Variants in PDE1A observed in about 807,000 individuals in gnomAD.
PDE1A encodes dual specificity calcium/calmodulin-dependent 3',5'-cyclic nucleotide phosphodiesterase 1A.
In PDE1A, 35 loss-of-function variants were observed where a neutral mutation model predicts 61.7. The observed-to-expected ratio is 0.57, with a 90% CI of 0.43 to 0.75. The LOEUF (loss-of-function observed/expected upper bound fraction) is 0.75, where lower values mean the gene tolerates loss of function less well. Among genes scored for constraint, PDE1A ranks in the 30% least tolerant of loss-of-function variants. The pLI is 0.00. For synonymous variants in PDE1A, 232 were observed against 213.2 expected (o/e 1.09, Z -0.77); for missense variants, 597 against 630.6 (o/e 0.95, Z 0.57).
intron 1 of PDE1A, among the ~76,000 whole-genome samples, chr2:182,425,351 G>A (rs1016165338): frequency 6.6e-6 from 1 of 152,112 alleles, no homozygotes; most frequent in Admixed American, 6.6e-5. Flanking sequence ...AACTTTTTAG[G>A]AAATATGGTA....
chr2:182,457,066 G>A (rs192955026), intron 2 of PDE1A, among the ~76,000 whole-genome samples: 39 of 152,122 alleles, frequency 2.6e-4, no homozygotes, highest in Non-Finnish European at 2.2e-4. Context: ...CAGACAGTCT[G>A]GACTGATTAA....
intron 13 of PDE1A, among the ~76,000 whole-genome samples, chr2:182,185,598 T>C (rs1010278007): frequency 1.3e-5 from 2 of 152,226 alleles, no homozygotes; most frequent in Non-Finnish European, 2.9e-5. Flanking sequence ...CAGGAGTTTA[T>C]ATGGTACCAC....
At chr2:182,490,828 T>C (rs189693799) in intron 2 of PDE1A, among the ~76,000 whole-genome samples, 1 of 152,278 alleles carries the variant, frequency 6.6e-6, no homozygotes. Flanking sequence ...AAGTAGGGGA[T>C]GGTCTTAGAC....
chr2:182,328,000 C>T (rs769738397), intron 1 of PDE1A, among the ~76,000 whole-genome samples: 27 of 152,182 alleles, frequency 1.8e-4, no homozygotes, highest in Admixed American at 3.9e-4. Flanking sequence ...GGCTCTTCTA[C>T]GTTTATAGGA....
intron 1 of PDE1A, among the ~76,000 whole-genome samples, chr2:182,347,815 T>G (rs757369607): frequency 6.6e-6 from 1 of 152,136 alleles, no homozygotes; most frequent in Non-Finnish European, 1.5e-5. Flanking sequence ...TTTTGAGTAT[T>G]CATTTTAACA....
intron 2 of PDE1A, among the ~76,000 whole-genome samples, chr2:182,451,491 A>G (rs1685516828): frequency 6.6e-6 from 1 of 152,106 alleles, no homozygotes. Flanking sequence ...TATTTCTGTT[A>G]TTAACTGGCA....
intron 1 of PDE1A, among the ~76,000 whole-genome samples, chr2:182,398,054 T>C (rs1016345468): frequency 5.3e-5 from 8 of 151,572 alleles, no homozygotes; most frequent in Non-Finnish European, 1.0e-4. Context: ...ATGGTTTAGA[T>C]AGATGAGGCA....
chr2:182,378,338 G>A (rs1700538544), intron 1 of PDE1A, among the ~76,000 whole-genome samples: 1 of 152,002 alleles, frequency 6.6e-6, no homozygotes, highest in Admixed American at 6.6e-5. Flanking sequence ...GGGTGAAGGG[G>A]GCGTATCAAT....
intron 2 of PDE1A, among the ~76,000 whole-genome samples, chr2:182,502,645 C>A (rs1440666447): frequency 2.0e-5 from 3 of 152,162 alleles, no homozygotes; most frequent in Admixed American, 2.0e-4. Context: ...ATTTCCACAG[C>A]CATCCTCCCC....
intron 2 of PDE1A, among the ~76,000 whole-genome samples, chr2:182,517,758 C>T (rs1365375492): frequency 3.3e-5 from 5 of 152,168 alleles, no homozygotes; most frequent in Admixed American, 3.3e-4. Context: ...GGGACAACTC[C>T]TCCTGATAAG....
chr2:182,687,849 T>G, the PDE1A span, among the ~76,000 whole-genome samples: 1 of 152,168 alleles, frequency 6.6e-6, no homozygotes, highest in Non-Finnish European at 1.5e-5. Flanking sequence ...CTGATGGAGC[T>G]GAAAACCATG....
At chr2:182,227,455 C>T (rs1689232897) in intron 6 of PDE1A, among the ~76,000 whole-genome samples, 1 of 151,964 alleles carries the variant, frequency 6.6e-6, no homozygotes, top group Non-Finnish European at 1.5e-5. Flanking sequence ...ATTCTTTTAG[C>T]TAGAATTTAT....
At chr2:182,364,058 A>G (rs1374230025) in intron 1 of PDE1A, among the ~76,000 whole-genome samples, 1 of 151,896 alleles carries the variant, frequency 6.6e-6, no homozygotes, top group African/African-American at 2.4e-5. Flanking sequence ...AAAACACATG[A>G]CTATTTAGCA....
At chr2:182,474,400 A>C (rs560381357) in intron 2 of PDE1A, among the ~76,000 whole-genome samples, 1 of 152,044 alleles carries the variant, frequency 6.6e-6, no homozygotes, top group African/African-American at 2.4e-5. Context: ...CATTTACTCA[A>C]GGAGGCCAAA....
intron 1 of PDE1A, among the ~76,000 whole-genome samples, chr2:182,317,720 C>T (rs754438834): frequency 8.6e-4 from 131 of 151,936 alleles, no homozygotes; most frequent in Non-Finnish European, 1.4e-3. Context: ...GGGGCAGGGA[C>T]CTAGGAACAA....
At chr2:182,230,989 T>C (rs1279901306) in intron 5 of PDE1A, 26 bp downstream of exon 5, 2 of 1,087,868 alleles carry the variant, frequency 1.8e-6, no homozygotes, top group Admixed American at 2.0e-5. Context: ...TCTAAGAGCA[T>C]TTCACTTTTG....
At chr2:182,302,286 C>T (rs1321444403) in intron 1 of PDE1A, among the ~76,000 whole-genome samples, 2 of 152,064 alleles carry the variant, frequency 1.3e-5, no homozygotes, top group Non-Finnish European at 2.9e-5. Context: ...GAAATAATAC[C>T]CCTACGAGAA....
intron 2 of PDE1A, among the ~76,000 whole-genome samples, chr2:182,243,835 C>T (rs1690745901): frequency 2.0e-5 from 3 of 152,078 alleles, no homozygotes; most frequent in Non-Finnish European, 2.9e-5. Context: ...AAACATATGG[C>T]TCAAAGTCTT....
chr2:182,679,707 AT>A, the PDE1A span, among the ~76,000 whole-genome samples: 1 of 152,216 alleles, frequency 6.6e-6, no homozygotes, highest in Non-Finnish European at 1.5e-5. Context: ...TTCTAGAGCC[AT>A]TTCATGAAGA....
Sources: allele counts gnomAD v4.1 joint callset (sites outside exome capture counted in the v4.1 genomes callset), GRCh38; gene constraint gnomAD v4.1.1; transcripts MANE v1.5; gene names NCBI Gene and HGNC (gene_info 2026-07-23, HGNC 2026-07-21).